The following MIR2052HG variants were observed in gnomAD, a reference collection of about 807,000 sequenced individuals.
MIR2052HG encodes MIR2052 host gene.
intron 2 of MIR2052HG, among the ~76,000 whole-genome samples, chr8:74,648,084 C>T (rs1808712539): frequency 6.6e-6 from 1 of 152,078 alleles, no homozygotes; most frequent in Non-Finnish European, 1.5e-5. Flanking sequence ...GTCTGACTGC[C>T]TTCAGGTTTG....
intron 1 of MIR2052HG, among the ~76,000 whole-genome samples, chr8:74,607,440 C>T (rs1808128259): frequency 6.6e-6 from 1 of 152,022 alleles, no homozygotes; most frequent in African/African-American, 2.4e-5. Context: ...GGCAAATCCC[C>T]GTCTCTACTA....
At chr8:74,668,770 AC>A (rs1472376370) in intron 2 of MIR2052HG, among the ~76,000 whole-genome samples, 1 of 152,144 alleles carries the variant, frequency 6.6e-6, no homozygotes, top group African/African-American at 2.4e-5. Context: ...CAAGGTAAGA[AC>A]CTTTTTGTGG....
intron 4 of MIR2052HG, among the ~76,000 whole-genome samples, chr8:74,725,799 T>A (rs762547446): frequency 6.6e-6 from 1 of 152,198 alleles, no homozygotes. Context: ...CCTGCCTTTG[T>A]AGTCTAATTT....
chr8:74,694,659 C>T (rs556136594), intron 2 of MIR2052HG, among the ~76,000 whole-genome samples: 3 of 152,250 alleles, frequency 2.0e-5, no homozygotes, highest in East Asian at 3.9e-4. Flanking sequence ...AACACAACTT[C>T]TGGAAATGAA....
chr8:74,606,658 A>T (rs983603200), intron 1 of MIR2052HG, among the ~76,000 whole-genome samples: 1 of 152,190 alleles, frequency 6.6e-6, no homozygotes, highest in South Asian at 2.1e-4. Flanking sequence ...GTACAGGGGA[A>T]TGATAGACAC....
intron 4 of MIR2052HG, among the ~76,000 whole-genome samples, chr8:74,743,911 G>A (rs1280364845): frequency 4.6e-5 from 7 of 152,154 alleles, no homozygotes; most frequent in African/African-American, 1.7e-4. Context: ...ATGAGCAAGA[G>A]TCAGCAGACA....
intron 4 of MIR2052HG, among the ~76,000 whole-genome samples, chr8:74,725,772 C>T (rs898125445): frequency 2.6e-5 from 4 of 152,130 alleles, no homozygotes; most frequent in Non-Finnish European, 5.9e-5. Context: ...TTTAATTGCT[C>T]TTCTCTAGAT....
chr8:74,701,586 T>C (rs1809358810), intron 2 of MIR2052HG, among the ~76,000 whole-genome samples: 1 of 152,116 alleles, frequency 6.6e-6, no homozygotes, highest in South Asian at 2.1e-4. Flanking sequence ...TGACATTGGC[T>C]CTTTTCTTGA....
chr8:74,655,752 A>G (rs1808800101), intron 2 of MIR2052HG, among the ~76,000 whole-genome samples: 1 of 152,176 alleles, frequency 6.6e-6, no homozygotes, highest in Non-Finnish European at 1.5e-5. Flanking sequence ...CATCCATACT[A>G]GGGCATCATC....
At chr8:74,692,794 C>T (rs983646018) in intron 2 of MIR2052HG, among the ~76,000 whole-genome samples, 5 of 152,154 alleles carry the variant, frequency 3.3e-5, no homozygotes, top group African/African-American at 9.7e-5. Flanking sequence ...TTGTAAGATG[C>T]TTTTCTGCCC....
intron 4 of MIR2052HG, among the ~76,000 whole-genome samples, chr8:74,720,574 C>T (rs1012220774): frequency 6.6e-6 from 1 of 152,050 alleles, no homozygotes; most frequent in African/African-American, 2.4e-5. Context: ...TTGTTTTCTA[C>T]CTGATTGCTA....
intron 4 of MIR2052HG, among the ~76,000 whole-genome samples, chr8:74,733,908 C>T (rs774071791): frequency 2.3e-4 from 35 of 152,170 alleles, no homozygotes; most frequent in Middle Eastern, 3.4e-3. Flanking sequence ...TCATGTCCTT[C>T]GCCCACTTTT....
At chr8:74,673,475 T>A (rs77543740) in intron 2 of MIR2052HG, among the ~76,000 whole-genome samples, 1,803 of 152,126 alleles carry the variant, frequency 0.012, 39 homozygotes, top group African/African-American at 0.041. Flanking sequence ...CTATCAAAAT[T>A]GTCTTACTAG....
intron 4 of MIR2052HG, among the ~76,000 whole-genome samples, chr8:74,729,807 C>G (rs886336514): frequency 1.3e-5 from 2 of 152,068 alleles, no homozygotes; most frequent in African/African-American, 4.8e-5. Context: ...TTCCTCTTAC[C>G]TCCATCAAAC....
chr8:74,646,504 AG>A (rs1808691027), intron 2 of MIR2052HG, among the ~76,000 whole-genome samples: 1 of 152,208 alleles, frequency 6.6e-6, no homozygotes, highest in Non-Finnish European at 1.5e-5. Context: ...GAGCAAATGC[AG>A]GGTGTGACAG....
At chr8:74,719,992 G>A (rs1469805230) in intron 4 of MIR2052HG, among the ~76,000 whole-genome samples, 5 of 151,746 alleles carry the variant, frequency 3.3e-5, no homozygotes, top group East Asian at 2.0e-4. Context: ...GGGACTACAC[G>A]TGTGTGCTGC....
At chr8:74,728,991 G>A (rs1809663419) in intron 4 of MIR2052HG, among the ~76,000 whole-genome samples, 1 of 152,132 alleles carries the variant, frequency 6.6e-6, no homozygotes, top group South Asian at 2.1e-4. Context: ...AGGAGCAGAT[G>A]TAATTCTAAT....
chr8:74,671,738 A>C (rs1269242662), intron 2 of MIR2052HG, among the ~76,000 whole-genome samples: 2 of 152,136 alleles, frequency 1.3e-5, no homozygotes, highest in African/African-American at 4.8e-5. Context: ...TCACCATCAA[A>C]GATAACAAAG....
At chr8:74,714,560 G>A (rs1464504816) in intron 4 of MIR2052HG, among the ~76,000 whole-genome samples, 2 of 152,106 alleles carry the variant, frequency 1.3e-5, no homozygotes, top group East Asian at 1.9e-4. Context: ...GTTTTGTTCT[G>A]TTTTTGTGTT....
Sources: gnomAD v4.1 joint callset for allele counts (sites outside exome capture counted in the v4.1 genomes callset) on GRCh38, gnomAD v4.1.1 for gene constraint, MANE v1.5 for transcripts, NCBI Gene and HGNC (gene_info 2026-07-23, HGNC 2026-07-21) for gene names.